The following VIPR2 variants were observed in gnomAD, a reference collection of about 807,000 sequenced individuals.
VIPR2 encodes the protein vasoactive intestinal polypeptide receptor 2.
A neutral mutation model predicts 58.0 loss-of-function variants in VIPR2; 48 were observed. The ratio of observed to expected loss-of-function variants is 0.83; its 90% CI spans 0.66 to 1.05. The LOEUF (loss-of-function observed/expected upper bound fraction) is 1.05, where lower values mean the gene tolerates loss of function less well. VIPR2 is among the 50% of genes least tolerant of loss of function. VIPR2 has a pLI of 0.00. For missense variants in VIPR2, 534 were observed against 558.0 expected (o/e 0.96, Z 0.43); for synonymous variants, 243 against 235.2 (o/e 1.03, Z -0.30).
intron 5 of VIPR2, among the ~76,000 whole-genome samples, chr7:159,051,914 ACTGGTAGAAAAATGTAAGTCTTTCAGTT>A (rs1290528831): frequency 4.6e-5 from 7 of 152,230 alleles, no homozygotes; most frequent in African/African-American, 1.7e-4. Context: ...GTCTTTCAGT[ACTGGTAGAAAAATGTAAGTCTTTCAGTT>A]CTGGTAGAAA....
At chr7:159,141,308 C>G (rs78519681) in intron 2 of VIPR2, among the ~76,000 whole-genome samples, 1 of 152,252 alleles carries the variant, frequency 6.6e-6, no homozygotes, top group Non-Finnish European at 1.5e-5. Flanking sequence ...CAGAACCATG[C>G]GTGCACCGCG....
At chr7:159,052,489 T>C (rs1855067739) in intron 5 of VIPR2, among the ~76,000 whole-genome samples, 1 of 152,208 alleles carries the variant, frequency 6.6e-6, no homozygotes, top group Non-Finnish European at 1.5e-5. Flanking sequence ...TTAAAGAAGA[T>C]ATAACATCTT....
intron 2 of VIPR2, among the ~76,000 whole-genome samples, chr7:159,140,946 T>C (rs566294379): frequency 1.3e-5 from 2 of 152,078 alleles, no homozygotes; most frequent in Non-Finnish European, 2.9e-5. Context: ...CTTTTTTTTT[T>C]AATGTATTGT....
In VIPR2 at chr7:159,096,248, G is replaced by A. The variant is rs1857834835; in HGVS notation, c.357+7509C>T. 6.6e-6 allele frequency among the ~76,000 whole-genome samples: 1 copy of A among 152,152 alleles called. No homozygotes were observed. The highest frequency in any genetic ancestry group is 6.5e-5 in the Admixed American group (1 of 15,276). On this transcript the variant is annotated intron_variant, in intron 4 of 12. Coordinates refer to ENST00000262178, the MANE Select transcript of VIPR2 (RefSeq NM_003382.5). The surrounding 1 kb of genome is among the most constrained non-coding windows in gnomAD (Gnocchi z 5.5). ...CCCGGAGAGTTTCAACCCCTGCCTG[G>A]GGCCACACACTCCTTCATGCAGAGC...
intron 3 of VIPR2, 99 bp downstream of exon 3, chr7:159,109,713 C>T: frequency 8.9e-7 from 1 of 1,128,330 alleles, no homozygotes; most frequent in Non-Finnish European, 1.3e-6. Flanking sequence ...GCAGGAGATG[C>T]CTGAAGGAAA....
chr7:159,063,010 G>A (rs1433539124), intron 4 of VIPR2, among the ~76,000 whole-genome samples: 5 of 152,208 alleles, frequency 3.3e-5, no homozygotes, highest in African/African-American at 4.8e-5. Context: ...GTTGACTGGT[G>A]TATTTACAAT....
chr7:159,117,221 C>T (rs146072902), intron 2 of VIPR2: 5 of 674,236 alleles, frequency 7.4e-6, no homozygotes, highest in African/African-American at 7.1e-5. Context: ...AGGTCCCTTG[C>T]CATCTCAGAC....
intron 4 of VIPR2, among the ~76,000 whole-genome samples, chr7:159,064,010 T>C (rs892763541): frequency 6.6e-6 from 1 of 150,582 alleles, no homozygotes; most frequent in African/African-American, 2.5e-5. Flanking sequence ...AAGAGGAAGG[T>C]CTAGGCCAGA....
At chr7:159,044,683 A>G (rs1472255475) in intron 5 of VIPR2, among the ~76,000 whole-genome samples, 2 of 151,996 alleles carry the variant, frequency 1.3e-5, no homozygotes, top group African/African-American at 2.4e-5. Flanking sequence ...GATAAAAGAG[A>G]TAGAAATTAG....
intron 4 of VIPR2, among the ~76,000 whole-genome samples, chr7:159,092,719 T>C (rs948127433): frequency 6.6e-6 from 1 of 151,226 alleles, no homozygotes; most frequent in Non-Finnish European, 1.5e-5. Flanking sequence ...GGTGCAATCT[T>C]GGCTCGCTGC....
chr7:159,127,413 T>C lies in VIPR2; in HGVS notation c.151+15033A>G, dbSNP rs1425096230. 4.6e-5 allele frequency among the ~76,000 whole-genome samples: 7 copies of C among 152,160 alleles called. No individual in the cohort carries two copies. Among genetic ancestry groups the C allele is most frequent in the African/African-American group, 1.7e-4 (7 of 41,440 alleles). ...CCAAATCCAGAAATAACCAAAACTA[T>C]TAAATGAACAAGAGGATTTTTCAAA... On this transcript the variant is annotated intron_variant, in intron 2 of 12. Transcript: ENST00000262178. The surrounding 1 kb of genome is among the most constrained non-coding windows in gnomAD (Gnocchi z 4.6).
At chr7:159,129,399 A>T (rs569542652) in intron 2 of VIPR2, among the ~76,000 whole-genome samples, 1 of 137,344 alleles carries the variant, frequency 7.3e-6, no homozygotes, top group Non-Finnish European at 1.5e-5. Flanking sequence ...TCTGGCGGGG[A>T]CAGGGCCAGG....
At chr7:159,066,559 A>C (rs1459589837) in intron 4 of VIPR2, among the ~76,000 whole-genome samples, 1 of 152,234 alleles carries the variant, frequency 6.6e-6, no homozygotes, top group African/African-American at 2.4e-5. Flanking sequence ...ATTGCTCCTG[A>C]ACCCTTCCAT....
At chr7:159,090,115 C>A (rs1857380481) in intron 4 of VIPR2, among the ~76,000 whole-genome samples, 1 of 137,546 alleles carries the variant, frequency 7.3e-6, no homozygotes, top group South Asian at 2.2e-4. Flanking sequence ...CCATCACAAT[C>A]CCCGGTGACC....
At chr7:159,033,515 T>C (rs1402626628) in intron 10 of VIPR2, among the ~76,000 whole-genome samples, 1 of 152,222 alleles carries the variant, frequency 6.6e-6, no homozygotes, top group Non-Finnish European at 1.5e-5. Flanking sequence ...TGATATAAAT[T>C]TATGGAGTCT....
chr7:159,050,965 G>C (rs998008902), intron 5 of VIPR2, among the ~76,000 whole-genome samples: 8 of 152,196 alleles, frequency 5.3e-5, no homozygotes, highest in Admixed American at 5.2e-4. Flanking sequence ...CTTTAATGTG[G>C]TGAGAGAAAA....
At chr7:159,109,154 T>C (rs947232691) in intron 3 of VIPR2, among the ~76,000 whole-genome samples, 15 of 152,286 alleles carry the variant, frequency 9.8e-5, no homozygotes, top group Non-Finnish European at 1.8e-4. Context: ...CTATGTTTTC[T>C]ATTTTTCTGA....
At chr7:159,068,639 C>T (rs989154481) in intron 4 of VIPR2, among the ~76,000 whole-genome samples, 24 of 152,248 alleles carry the variant, frequency 1.6e-4, no homozygotes, top group African/African-American at 5.8e-4. Flanking sequence ...AAAGCAGATC[C>T]CGCTGTTGGC....
chr7:159,074,205 A>G (rs900753339), intron 4 of VIPR2, among the ~76,000 whole-genome samples: 1 of 152,236 alleles, frequency 6.6e-6, no homozygotes, highest in Non-Finnish European at 1.5e-5. Flanking sequence ...CATTCAAAAG[A>G]GCTGCACAAA....
Sources: gnomAD v4.1 joint callset for allele counts (sites outside exome capture counted in the v4.1 genomes callset) on GRCh38, gnomAD v4.1.1 for gene constraint, Gnocchi (gnomAD v3.1) non-coding constraint, MANE v1.5 for transcripts, NCBI Gene and HGNC (gene_info 2026-07-23, HGNC 2026-07-21) for gene names.